Variants in APPL2 observed in about 807,000 individuals in gnomAD.
APPL2 encodes adaptor protein, phosphotyrosine interacting with PH domain and leucine zipper 2.
A neutral mutation model predicts 92.7 loss-of-function variants in APPL2; 84 were observed. That is an observed-to-expected ratio of 0.91 (90% CI 0.76 to 1.09). The LOEUF (loss-of-function observed/expected upper bound fraction) is 1.09. Ranked by LOEUF, APPL2 falls within the 50% of genes least tolerant of loss-of-function variation. The pLI, the probability that APPL2 is intolerant of heterozygous loss-of-function variation, is 0.00. For synonymous variants in APPL2, 291 were observed against 291.0 expected, an observed-to-expected ratio of 1.00 and a Z score of 0.00; for missense variants, 736 against 824.5, an observed-to-expected ratio of 0.89 and a Z score of 1.31.
chr12:105,202,784 C>T (rs1888325500), intron 9 of APPL2, among the ~76,000 whole-genome samples: 1 of 152,198 alleles, frequency 6.6e-6, no homozygotes, highest in African/African-American at 2.4e-5. Context: ...GGGGTATATG[C>T]TCTCAACTTG....
In APPL2 at chr12:105,177,019, G is replaced by T. The variant is rs1260446097; in HGVS notation, c.1672-3C>A. On this transcript the variant is annotated splice_polypyrimidine_tract_variant and splice_region_variant and intron_variant, in intron 18 of 20. Transcript: ENST00000258530. ...TGTGTGACACTGGTAAGTTCAAACT[G>T]GGGGGTGGAAAAAAAGGCAACAGAT... is the stretch of plus-strand genomic sequence containing the variant. 2.5e-6 allele frequency: 4 copies of T among 1,613,018 alleles called. No individual in the cohort carries two copies. The highest frequency in any genetic ancestry group is 2.2e-5 in the South Asian group (2 of 90,954).
At chr12:105,198,397 A>T (rs1315469020) in intron 10 of APPL2, among the ~76,000 whole-genome samples, 1 of 152,178 alleles carries the variant, frequency 6.6e-6, no homozygotes, top group African/African-American at 2.4e-5. Context: ...CTGTAATTGA[A>T]GGTCATTCTT....
chr12:105,184,850 C>T (rs1886448682), intron 17 of APPL2, among the ~76,000 whole-genome samples: 1 of 152,156 alleles, frequency 6.6e-6, no homozygotes, highest in African/African-American at 2.4e-5. Flanking sequence ...TGAAACTGCG[C>T]CCACAGCCAC....
At chr12:105,203,658 T>G (rs111274821) in intron 9 of APPL2, 45 bp downstream of exon 9, 1 of 1,577,656 alleles carries the variant, frequency 6.3e-7, no homozygotes, top group African/African-American at 1.3e-5. Context: ...CAGATCAGCA[T>G]GAAAGGCAAG....
At chr12:105,203,845 T>C in intron 8 of APPL2, 60 bp from the exon 9 acceptor site, 1 of 1,482,736 alleles carries the variant, frequency 6.7e-7, no homozygotes, top group Non-Finnish European at 9.4e-7. Flanking sequence ...GTGAACTCAC[T>C]GAAGGTGAGA....
intron 17 of APPL2, among the ~76,000 whole-genome samples, chr12:105,179,817 G>A (rs976651412): frequency 2.6e-5 from 4 of 152,076 alleles, no homozygotes; most frequent in African/African-American, 9.7e-5. Context: ...ACTTTTTGAC[G>A]GGGTTGTTTT....
chr12:105,223,813 T>A (rs1044159466), intron 2 of APPL2, among the ~76,000 whole-genome samples: 1 of 152,204 alleles, frequency 6.6e-6, no homozygotes, highest in African/African-American at 2.4e-5. Flanking sequence ...GAGAGCACTC[T>A]GTGAGCAGAG....
chr12:105,235,935 G>A, intron 1 of APPL2, 24 bp downstream of exon 1: 1 of 1,238,942 alleles, frequency 8.1e-7, no homozygotes, highest in Non-Finnish European at 1.0e-6. Context: ...TGCGGGCGAG[G>A]GGCACCGGAG....
chr12:105,230,797 G>C (rs777457770), intron 1 of APPL2, among the ~76,000 whole-genome samples: 1 of 152,138 alleles, frequency 6.6e-6, no homozygotes, highest in Admixed American at 6.5e-5. Context: ...AAAAACACCA[G>C]GACTAATGTA....
intron 4 of APPL2, among the ~76,000 whole-genome samples, chr12:105,214,620 T>C (rs1332426400): frequency 6.6e-6 from 1 of 152,234 alleles, no homozygotes; most frequent in Admixed American, 6.5e-5. Flanking sequence ...ACCCTTGTAA[T>C]TTCCTCATCA....
intron 17 of APPL2, among the ~76,000 whole-genome samples, chr12:105,184,758 T>C (rs895140119): frequency 6.6e-6 from 1 of 152,352 alleles, no homozygotes; most frequent in Non-Finnish European, 1.5e-5. Context: ...GGAGGCAGTC[T>C]GTCCCTTAGC....
At chr12:105,224,220 CCT>C (rs1344309487) in intron 2 of APPL2, among the ~76,000 whole-genome samples, 3 of 152,228 alleles carry the variant, frequency 2.0e-5, no homozygotes, top group Non-Finnish European at 4.4e-5. Context: ...ATATGCACCT[CCT>C]CTCAGTCCCT....
intron 9 of APPL2, among the ~76,000 whole-genome samples, chr12:105,203,091 G>C (rs969738730): frequency 5.4e-5 from 8 of 148,288 alleles, no homozygotes; most frequent in African/African-American, 1.0e-4. Context: ...TCCAGAACTC[G>C]TCGCAAGCGC....
intron 2 of APPL2, 41 bp from the exon 3 acceptor site, chr12:105,217,766 G>GTA (rs1889807696): frequency 6.3e-7 from 1 of 1,583,640 alleles, no homozygotes; most frequent in East Asian, 2.2e-5. Flanking sequence ...TTAGTCCAAT[G>GTA]TATACATAGT....
intron 5 of APPL2, among the ~76,000 whole-genome samples, chr12:105,210,770 G>A (rs1045240527): frequency 6.9e-6 from 1 of 144,176 alleles, no homozygotes; most frequent in Non-Finnish European, 1.5e-5. Context: ...GAGAATGCAT[G>A]GTTCCTATCC....
chr12:105,223,800 A>G (rs1223303025), intron 2 of APPL2, among the ~76,000 whole-genome samples: 1 of 152,222 alleles, frequency 6.6e-6, no homozygotes, highest in Non-Finnish European at 1.5e-5. Flanking sequence ...TTCTGTTCAC[A>G]CTGAGAGCAC....
chr12:105,216,307 G>GT, intron 4 of APPL2, among the ~76,000 whole-genome samples: 1 of 152,148 alleles, frequency 6.6e-6, no homozygotes, highest in African/African-American at 2.4e-5. Context: ...TGAGGCCACA[G>GT]TTTGAGGCCA....
rs554177881 is a variant in APPL2 at position 105,214,166 on chromosome 12, A to G, written c.286-2849T>C. Among the ~76,000 whole-genome samples the G allele has an allele frequency of 7.2e-5, 11 of 152,342 alleles. No homozygotes were observed. The South Asian group carries it at 1.7e-3, about 23-fold the overall frequency. ...GTGCCATTGCACTCCAGCCTGGGCAATAAGAGCAAAACTCTGTCTCAAAAA... is the reference window on the plus strand; with the variant it reads ...GTGCCATTGCACTCCAGCCTGGGCAGTAAGAGCAAAACTCTGTCTCAAAAA... On this transcript the variant is annotated intron_variant, in intron 4 of 20. Coordinates refer to ENST00000258530, the MANE Select transcript of APPL2 (RefSeq NM_018171.5).
intron 2 of APPL2, among the ~76,000 whole-genome samples, chr12:105,221,555 C>A (rs1020289057): frequency 1.3e-5 from 2 of 152,298 alleles, no homozygotes; most frequent in Admixed American, 6.5e-5. Flanking sequence ...CTCAGGTGGG[C>A]AGGACCTGTA....
Sources: gnomAD v4.1 joint callset for allele counts (sites outside exome capture counted in the v4.1 genomes callset) on GRCh38, gnomAD v4.1.1 for gene constraint, MANE v1.5 for transcripts, NCBI Gene and HGNC (gene_info 2026-07-23, HGNC 2026-07-21) for gene names.